Variants in HMCN1 observed in about 807,000 individuals in gnomAD.
HMCN1 encodes the protein hemicentin 1.
Under a neutral mutation model 625.9 loss-of-function variants are expected in HMCN1, and 321 were observed. That is an observed-to-expected ratio of 0.51 (90% CI 0.47 to 0.56). HMCN1 has a LOEUF of 0.56. Ranked by LOEUF, HMCN1 falls within the 20% of genes least tolerant of loss-of-function variation. HMCN1 has a pLI of 0.00. For synonymous variants in HMCN1, 2,425 were observed against 2,417.6 expected (o/e 1.00, Z -0.09); for missense variants, 6,588 against 6,887.3 (o/e 0.96, Z 1.54).
intron 20 of HMCN1, among the ~76,000 whole-genome samples, chr1:185,988,900 A>G (rs1652184317): frequency 6.6e-6 from 1 of 152,152 alleles, no homozygotes; most frequent in Non-Finnish European, 1.5e-5. Flanking sequence ...CTGGCATAGC[A>G]TAAGCATTCA....
intron 105 of HMCN1, among the ~76,000 whole-genome samples, chr1:186,182,502 G>T (rs1385544261): frequency 1.3e-5 from 2 of 152,126 alleles, no homozygotes; most frequent in Non-Finnish European, 1.5e-5. Flanking sequence ...TTTTGGTATG[G>T]TCTTACTAGA....
At chr1:185,736,793 GA>G (rs1557930344) in intron 1 of HMCN1, among the ~76,000 whole-genome samples, 1 of 152,144 alleles carries the variant, frequency 6.6e-6, no homozygotes, top group Non-Finnish European at 1.5e-5. Context: ...TAAAGTTGGG[GA>G]AACTTGACAT....
At chr1:185,818,464 C>T (rs975583208) in intron 1 of HMCN1, among the ~76,000 whole-genome samples, 1 of 152,058 alleles carries the variant, frequency 6.6e-6, no homozygotes, top group African/African-American at 2.4e-5. Flanking sequence ...AACTTGGTAG[C>T]CTTTCTATGG....
intron 1 of HMCN1, among the ~76,000 whole-genome samples, chr1:185,740,144 C>T (rs1653880640): frequency 6.6e-6 from 1 of 152,142 alleles, no homozygotes; most frequent in South Asian, 2.1e-4. Context: ...TCCATTATGA[C>T]TTTGGCTTTT....
In HMCN1 at chr1:186,188,095, TG is replaced by T. The variant is rs1157877673; in HGVS notation, c.16541+87del. 2.0e-6 allele frequency: 3 copies of T among 1,500,382 alleles called. No homozygotes were observed. The African/African-American group carries it at 4.2e-5, about 21-fold the overall frequency. The allele number at this position is 1,500,382 out of a possible 1,614,324, so 92.9% of individuals were successfully genotyped here. A position where few individuals can be genotyped will look rare whatever the true frequency, so the allele number is the denominator to read the frequency against. Reference sequence around the variant, plus strand: ...CAACATAAACTTTAGTCTCTTGTCATGTGTAACTCACAGGAAGTCACTAACT... The same window carrying T: ...CAACATAAACTTTAGTCTCTTGTCATTGTAACTCACAGGAAGTCACTAACT... On this transcript the variant is annotated intron_variant, in intron 106 of 106. Coordinates refer to ENST00000271588, the MANE Select transcript of HMCN1 (RefSeq NM_031935.3).
chr1:186,025,153 G>T (rs1333063936), intron 36 of HMCN1, among the ~76,000 whole-genome samples: 2 of 152,008 alleles, frequency 1.3e-5, no homozygotes, highest in African/African-American at 4.8e-5. Context: ...TCACAATAGG[G>T]TTCGTACTCC....
chr1:185,997,057 G>A (rs1390875185), intron 24 of HMCN1, among the ~76,000 whole-genome samples: 2 of 152,076 alleles, frequency 1.3e-5, no homozygotes, highest in African/African-American at 4.8e-5. Flanking sequence ...TTGGAAATAA[G>A]CAATGGTCTT....
intron 9 of HMCN1, 77 bp downstream of exon 9, chr1:185,925,268 T>C: frequency 7.1e-7 from 1 of 1,400,478 alleles, no homozygotes; most frequent in South Asian, 1.2e-5. Context: ...TGCAGTGTAC[T>C]TTTTCACTGA....
intron 1 of HMCN1, among the ~76,000 whole-genome samples, chr1:185,844,098 G>A (rs758316819): frequency 6.6e-6 from 1 of 152,114 alleles, no homozygotes; most frequent in Non-Finnish European, 1.5e-5. Context: ...TGGGAACATA[G>A]AAGCTTGGCT....
intron 1 of HMCN1, among the ~76,000 whole-genome samples, chr1:185,751,733 G>A (rs1397409180): frequency 6.6e-6 from 1 of 150,906 alleles, no homozygotes; most frequent in Admixed American, 6.6e-5. Context: ...TCTTTCATAC[G>A]TTTCTCTTCA....
In HMCN1 at chr1:185,923,609, T is replaced by C; in HGVS notation, c.1241T>C (p.Leu414Pro). Residue 414 changes from leucine (L) to proline (P), a missense_variant, in exon 8 of 107, where the codon CTC (leucine) becomes CCC (proline). Physicochemically the swap from Leu to Pro is moderately conservative, Grantham distance 98. Around this residue, in one of 3 missense-constraint regions of HMCN1, gnomAD observed 4,628 missense variants for 4,853.1 expected, o/e 0.95. Coordinates refer to ENST00000271588, the MANE Select transcript of HMCN1 (RefSeq NM_031935.3). ...KVTGYDKDDYLFQRVSSVSFS... is the reference protein window; with the variant it reads ...KVTGYDKDDYPFQRVSSVSFS... ...ACAGGCTATGATAAAGATGATTACCTCTTCCAGAGAGTATCAAGTGTTTCC... is the reference window on the plus strand; with the variant it reads ...ACAGGCTATGATAAAGATGATTACCCCTTCCAGAGAGTATCAAGTGTTTCC... The C allele has an allele frequency of 6.2e-7, 1 of 1,608,590 alleles. No homozygotes were observed. The highest frequency in any genetic ancestry group is 8.5e-7 in the Non-Finnish European group (1 of 1,177,686).
intron 4 of HMCN1, among the ~76,000 whole-genome samples, chr1:185,889,705 G>A (rs1242963194): frequency 2.9e-5 from 4 of 139,770 alleles, no homozygotes; most frequent in Admixed American, 6.9e-5. Flanking sequence ...TGCTGGATTC[G>A]GTTTGCCAGT....
intron 4 of HMCN1, among the ~76,000 whole-genome samples, chr1:185,875,372 G>A (rs1663865813): frequency 1.3e-5 from 2 of 152,052 alleles, no homozygotes; most frequent in African/African-American, 4.8e-5. Context: ...CTATGAGGAT[G>A]TAAGAACAAA....
At chr1:185,955,968 G>C (rs1032355529) in intron 11 of HMCN1, among the ~76,000 whole-genome samples, 14 of 152,096 alleles carry the variant, frequency 9.2e-5, no homozygotes, top group African/African-American at 3.4e-4. Context: ...CCTATAATGT[G>C]AAGCATCTCA....
At chr1:185,951,755 C>G (rs146987711) in intron 11 of HMCN1, among the ~76,000 whole-genome samples, 6 of 151,312 alleles carry the variant, frequency 4.0e-5, no homozygotes, top group African/African-American at 1.5e-4. Context: ...ATTTCCGGCA[C>G]GTGTAGCAAG....
intron 4 of HMCN1, among the ~76,000 whole-genome samples, chr1:185,867,977 G>A (rs1663373159): frequency 6.6e-6 from 1 of 152,006 alleles, no homozygotes; most frequent in African/African-American, 2.4e-5. Flanking sequence ...GCTGAGGCAG[G>A]AGAATCACTT....
chr1:185,820,607 A>G (rs1660125904), intron 1 of HMCN1, among the ~76,000 whole-genome samples: 1 of 152,188 alleles, frequency 6.6e-6, no homozygotes, highest in Non-Finnish European at 1.5e-5. Context: ...AAGGTTATAC[A>G]TAGTAAATTT....
rs780299066 is a variant in HMCN1, at chr1:185,987,492, C to G, written c.2996C>G (p.Thr999Ser). The change falls in exon 20 of 107, where the codon ACT (threonine) becomes AGT (serine). Residue 999 changes from threonine (T) to serine (S), a missense_variant. By Grantham distance (58) the Thr-to-Ser change is moderately conservative. Coordinates refer to ENST00000271588, the MANE Select transcript of HMCN1 (RefSeq NM_031935.3). ...ILSTIEGIPV[T>S]LPCKASGNPK... is the part of the protein sequence containing the mutation. The stretch of plus-strand genomic sequence containing the variant: ...AGTACAATTGAAGGCATTCCAGTAA[C>G]TTTACCATGCAAAGCAAGTGGAAAT... 1 of 1,613,980 alleles carries G rather than the reference C, an allele frequency of 6.2e-7. No individual in the cohort carries two copies. Among genetic ancestry groups the G allele is most frequent in the Non-Finnish European group, 8.5e-7 (1 of 1,179,842 alleles).
chr1:185,997,272 T>C (rs1371956294), intron 24 of HMCN1, among the ~76,000 whole-genome samples, 157 bp from the exon 25 acceptor site: 1 of 151,994 alleles, frequency 6.6e-6, no homozygotes, highest in Non-Finnish European at 1.5e-5. Context: ...CTGGGTGACG[T>C]CTAGGTAGAA....
Sources: allele counts gnomAD v4.1 joint callset (sites outside exome capture counted in the v4.1 genomes callset), GRCh38; gene constraint gnomAD v4.1.1; regional missense constraint gnomAD v4.1.1; transcripts MANE v1.5; gene names NCBI Gene and HGNC (gene_info 2026-07-23, HGNC 2026-07-21).